The following ADK variants were observed in gnomAD, a reference collection of about 807,000 sequenced individuals.
ADK encodes N6,N6-dimethyladenosine kinase.
A neutral mutation model predicts 44.7 loss-of-function variants in ADK; 24 were observed. The observed-to-expected ratio is 0.54, with a 90% CI of 0.39 to 0.76. The LOEUF is 0.76. Among genes scored for constraint, ADK ranks in the 30% least tolerant of loss-of-function variants. The pLI is 0.00. For missense variants in ADK, 321 were observed against 425.1 expected (o/e 0.76, Z 2.15); for synonymous variants, 128 against 142.6 (o/e 0.90, Z 0.73).
At chr10:74,300,252 CTCCT>C (rs1329040186) in intron 3 of ADK, among the ~76,000 whole-genome samples, 2 of 145,048 alleles carry the variant, frequency 1.4e-5, no homozygotes, top group Non-Finnish European at 3.0e-5. Context: ...CTCTCTCTCT[CTCCT>C]TGTTTCCTTC....
At chr10:74,497,908 G>A (rs1475415491) in intron 6 of ADK, among the ~76,000 whole-genome samples, 1 of 143,674 alleles carries the variant, frequency 7.0e-6, no homozygotes, top group African/African-American at 2.6e-5. Context: ...TCTTTTTTTT[G>A]AGACGGAGTC....
intron 1 of ADK, among the ~76,000 whole-genome samples, chr10:74,184,914 A>G (rs1842691675): frequency 6.6e-6 from 1 of 152,176 alleles, no homozygotes; most frequent in Admixed American, 6.5e-5. Context: ...TTTTTATTGT[A>G]TGGAGAGTTC....
intron 4 of ADK, among the ~76,000 whole-genome samples, chr10:74,335,708 C>T (rs1841385157): frequency 6.6e-6 from 1 of 152,134 alleles, no homozygotes; most frequent in African/African-American, 2.4e-5. Context: ...TTGATATTGT[C>T]AGCTTTTATT....
At chr10:74,505,461 G>A (rs1848031973) in intron 6 of ADK, among the ~76,000 whole-genome samples, 1 of 148,880 alleles carries the variant, frequency 6.7e-6, no homozygotes, top group Admixed American at 6.7e-5. Context: ...TATGGTGTCT[G>A]TTAGCTCTTG....
chr10:74,384,719 A>G (rs1424882939), intron 4 of ADK, among the ~76,000 whole-genome samples: 2 of 152,114 alleles, frequency 1.3e-5, no homozygotes, highest in East Asian at 1.9e-4. Flanking sequence ...AGAATTTAGG[A>G]CAACATTGTC....
chr10:74,371,370 T>C (rs184519532), intron 4 of ADK, among the ~76,000 whole-genome samples: 14 of 152,328 alleles, frequency 9.2e-5, no homozygotes, highest in Non-Finnish European at 1.6e-4. Context: ...ATAGTAAAAC[T>C]GTATCTGTTT....
Position 74,375,713 on chromosome 10 carries a change from TC to T in ADK, c.274-18427del, listed in dbSNP as rs539136035. On this transcript the variant is annotated intron_variant, in intron 4 of 10. Transcript: ENST00000539909. ...CAGGAGAGTGGCAAAGGGGGCTTCTTCAAAGATTTTATGGTATCTTCACTTT... is the reference window on the plus strand; with the variant it reads ...CAGGAGAGTGGCAAAGGGGGCTTCTTAAAGATTTTATGGTATCTTCACTTT... Among the ~76,000 whole-genome samples, 732 of 152,294 alleles carry T rather than the reference TC, an allele frequency of 4.8e-3. 10 individuals carry two copies. Among genetic ancestry groups the T allele is most frequent in the African/African-American group, 0.016 (683 of 41,574 alleles).
intron 3 of ADK, among the ~76,000 whole-genome samples, chr10:74,287,428 C>T (rs1055844881): frequency 2.0e-5 from 3 of 150,700 alleles, no homozygotes; most frequent in African/African-American, 4.9e-5. Context: ...TGCGCCACTG[C>T]ACTCCAGCCT....
At chr10:74,466,496 G>A (rs1846362562) in intron 6 of ADK, among the ~76,000 whole-genome samples, 1 of 152,126 alleles carries the variant, frequency 6.6e-6, no homozygotes, top group Admixed American at 6.6e-5. Flanking sequence ...CTTGGCAAGA[G>A]TTGGGAAAAA....
rs1853131690 is a variant in ADK at position 74,624,970 on chromosome 10, A to T, written c.877+24477A>T. The stretch of plus-strand genomic sequence containing the variant: ...AACATGAGAACCTCTAATCTCAAGC[A>T]GGACAAGTTGGAGAGGCAAGATACT... On this transcript the variant is annotated intron_variant, in intron 9 of 10. Coordinates refer to ENST00000539909, the MANE Select transcript of ADK (RefSeq NM_006721.4). Among the ~76,000 whole-genome samples, 4 of 152,238 alleles carry T rather than the reference A, an allele frequency of 2.6e-5. No homozygotes were observed. The South Asian group carries it at 6.2e-4, about 24-fold the overall frequency.
intron 4 of ADK, among the ~76,000 whole-genome samples, chr10:74,319,469 G>T (rs1049350501): frequency 1.3e-5 from 2 of 152,072 alleles, no homozygotes; most frequent in African/African-American, 4.8e-5. Flanking sequence ...TTCTTATAAG[G>T]ACACCAGTCA....
chr10:74,381,687 T>G (rs1842980405), intron 4 of ADK, among the ~76,000 whole-genome samples: 1 of 152,236 alleles, frequency 6.6e-6, no homozygotes. Context: ...TGTTAGGAGA[T>G]ATTGACCAGA....
chr10:74,361,096 C>T (rs902867600), intron 4 of ADK, among the ~76,000 whole-genome samples: 7 of 152,014 alleles, frequency 4.6e-5, no homozygotes, highest in South Asian at 2.1e-4. Context: ...TTAGTAGAGA[C>T]GGTTTCACTA....
intron 4 of ADK, among the ~76,000 whole-genome samples, chr10:74,316,990 C>G (rs1840645689): frequency 6.6e-6 from 1 of 152,082 alleles, no homozygotes; most frequent in African/African-American, 2.4e-5. Flanking sequence ...GAATTTGAAG[C>G]TTTGGGTAAC....
intron 6 of ADK, among the ~76,000 whole-genome samples, chr10:74,450,745 G>A (rs1871086): frequency 0.014 from 2,084 of 152,222 alleles, 46 homozygotes; most frequent in African/African-American, 0.048. Context: ...TTTCTGTAGA[G>A]CAAGGCATAT....
intron 4 of ADK, among the ~76,000 whole-genome samples, chr10:74,352,971 G>A (rs1165852410): frequency 6.6e-6 from 1 of 152,222 alleles, no homozygotes; most frequent in Admixed American, 6.5e-5. Context: ...TGGTGGGAGT[G>A]TAAATTAGTT....
At chr10:74,632,132 A>G (rs945184682) in intron 9 of ADK, among the ~76,000 whole-genome samples, 1 of 152,090 alleles carries the variant, frequency 6.6e-6, no homozygotes, top group Non-Finnish European at 1.5e-5. Context: ...TCCCAACCTT[A>G]AGCAACGATT....
chr10:74,607,697 C>G (rs1012774821), intron 9 of ADK, among the ~76,000 whole-genome samples: 6 of 152,128 alleles, frequency 3.9e-5, no homozygotes, highest in Non-Finnish European at 5.9e-5. Flanking sequence ...GTGAATCTGA[C>G]AATTATGTGT....
At chr10:74,519,470 G>C (rs896682548) in intron 6 of ADK, among the ~76,000 whole-genome samples, 5 of 151,868 alleles carry the variant, frequency 3.3e-5, no homozygotes, top group African/African-American at 1.2e-4. Flanking sequence ...TCAGTAGTGA[G>C]CTTTAGAGTA....
Sources: allele counts gnomAD v4.1 joint callset (sites outside exome capture counted in the v4.1 genomes callset), GRCh38; gene constraint gnomAD v4.1.1; transcripts MANE v1.5; gene names NCBI Gene and HGNC (gene_info 2026-07-23, HGNC 2026-07-21).